The following CUX2 variants were observed in gnomAD, a reference collection of about 807,000 sequenced individuals.
CUX2 encodes the protein homeobox protein cut-like 2.
In CUX2, 40 loss-of-function variants were observed where a neutral mutation model predicts 144.8. The ratio of observed to expected loss-of-function variants is 0.28; its 90% CI spans 0.21 to 0.36. The LOEUF (loss-of-function observed/expected upper bound fraction) is 0.36. Among genes scored for constraint, CUX2 ranks in the 10% least tolerant of loss-of-function variants. CUX2 has a pLI of 1.00. For missense variants in CUX2, 1,615 were observed against 1,994.0 expected (o/e 0.81, Z 3.62); for synonymous variants, 827 against 875.6 (o/e 0.94, Z 0.98).
At chr12:111,211,341 T>C (rs1881215384) in intron 1 of CUX2, among the ~76,000 whole-genome samples, 4 of 152,248 alleles carry the variant, frequency 2.6e-5, no homozygotes, top group Admixed American at 2.6e-4. Context: ...GGCTCTGTTC[T>C]CTCTGCAGTG....
chr12:111,313,301 C>A (rs1158902833), intron 16 of CUX2, among the ~76,000 whole-genome samples: 1 of 150,250 alleles, frequency 6.7e-6, no homozygotes, highest in Non-Finnish European at 1.5e-5. Flanking sequence ...GAACTCCTGA[C>A]CTCGTGATCC....
intron 1 of CUX2, among the ~76,000 whole-genome samples, chr12:111,052,500 T>C (rs1415928784): frequency 1.3e-5 from 2 of 152,232 alleles, no homozygotes; most frequent in Non-Finnish European, 2.9e-5. Flanking sequence ...TGTATTTGTA[T>C]ACTTACGTGT....
chr12:111,243,574 G>T (rs193292047), intron 3 of CUX2, among the ~76,000 whole-genome samples: 1 of 131,062 alleles, frequency 7.6e-6, no homozygotes, highest in Admixed American at 8.9e-5. Context: ...TGCAATCATA[G>T]CTCACTGCAG....
chr12:111,176,654 C>T (rs1878876035), intron 1 of CUX2, among the ~76,000 whole-genome samples: 1 of 152,188 alleles, frequency 6.6e-6, no homozygotes. Context: ...CCACTCCAGG[C>T]TCTATTTTCC....
intron 1 of CUX2, among the ~76,000 whole-genome samples, chr12:111,166,186 CT>C (rs1411834245): frequency 6.6e-6 from 1 of 152,108 alleles, no homozygotes; most frequent in East Asian, 1.9e-4. Context: ...ACCTGACTAA[CT>C]TTTTTCATTT....
chr12:111,257,746 C>T (rs890073000), intron 3 of CUX2, among the ~76,000 whole-genome samples: 3 of 145,272 alleles, frequency 2.1e-5, no homozygotes, highest in Non-Finnish European at 4.6e-5. Flanking sequence ...CCTCTTTCTT[C>T]TCCTCTTCCT....
intron 21 of CUX2, among the ~76,000 whole-genome samples, chr12:111,345,444 CAAA>C (rs34883804): frequency 1.2e-4 from 7 of 60,602 alleles, no homozygotes; most frequent in South Asian, 5.6e-4. Context: ...GACTCCATCT[CAAA>C]AAAAAAAAAA....
rs571542540 is a variant in CUX2, at chr12:111,161,827, C to T, written c.64-52373C>T. On this transcript the variant is annotated intron_variant, in intron 1 of 21. Coordinates refer to ENST00000261726, the MANE Select transcript of CUX2 (RefSeq NM_015267.4). ...ACAGCTCACTGTAGCCTCAACCTTC[C>T]AGGCTCAAGCAGTCCTCCCACTTCA... 9.2e-5 allele frequency among the ~76,000 whole-genome samples: 14 copies of T among 152,352 alleles called. 1 individual carries two copies. In the South Asian group the frequency reaches 1.7e-3, roughly 18 times the overall value.
At chr12:111,175,410 G>T (rs1210048526) in intron 1 of CUX2, among the ~76,000 whole-genome samples, 2 of 148,618 alleles carry the variant, frequency 1.3e-5, no homozygotes, top group East Asian at 4.0e-4. Context: ...TCCTCAAAGT[G>T]GTGAGAAACA....
At chr12:111,093,163 G>T (rs950786125) in intron 1 of CUX2, among the ~76,000 whole-genome samples, 3 of 152,194 alleles carry the variant, frequency 2.0e-5, no homozygotes, top group African/African-American at 4.8e-5. Context: ...CAGTTGGAAC[G>T]TAGTGGAGCT....
At chr12:111,257,292 C>T (rs1451848841) in intron 3 of CUX2, among the ~76,000 whole-genome samples, 4 of 130,434 alleles carry the variant, frequency 3.1e-5, no homozygotes, top group East Asian at 2.6e-4. Flanking sequence ...TCCTCCTCCT[C>T]CCTCTTCCTC....
At chr12:111,249,400 CTTTTTTTTTT>C (rs778334868) in intron 3 of CUX2, among the ~76,000 whole-genome samples, 16 of 80,108 alleles carry the variant, frequency 2.0e-4, no homozygotes, top group Middle Eastern at 0.01. Context: ...GTGCTATTGC[CTTTTTTTTTT>C]TTTTTTTTTT....
chr12:111,107,931 A>AC (rs1873707704), intron 1 of CUX2, among the ~76,000 whole-genome samples: 2 of 152,208 alleles, frequency 1.3e-5, no homozygotes, highest in South Asian at 4.1e-4. Context: ...TGGCTGAAAC[A>AC]CCATTACATA....
chr12:111,342,853 G>C (rs1002204192), intron 21 of CUX2, among the ~76,000 whole-genome samples: 1 of 151,190 alleles, frequency 6.6e-6, no homozygotes, highest in African/African-American at 2.4e-5. Flanking sequence ...CAACTACTTG[G>C]GAGGCTGAGG....
At chr12:111,095,002 A>T (rs1592889205) in intron 1 of CUX2, among the ~76,000 whole-genome samples, 1 of 152,192 alleles carries the variant, frequency 6.6e-6, no homozygotes, top group East Asian at 1.9e-4. Context: ...CTTGGGAGTA[A>T]TGCAGCCTTC....
At chr12:111,249,991 T>TTTGACAAATGCATGATG (rs1883487814) in intron 3 of CUX2, among the ~76,000 whole-genome samples, 1 of 152,186 alleles carries the variant, frequency 6.6e-6, no homozygotes, top group South Asian at 2.1e-4. Context: ...TTCTAGGGGC[T>TTTGACAAATGCATGATG]TTGACAAATG....
In CUX2 at chr12:111,320,142, G is replaced by A. The variant is rs2136397920; in HGVS notation, c.2133G>A (p.Leu711=). The A allele has an allele frequency of 6.4e-7, 1 of 1,551,796 alleles. No homozygotes were observed. The highest frequency in any genetic ancestry group is 1.2e-5 in the South Asian group (1 of 84,836). The change falls in exon 17 of 22, where the codon CTG becomes CTA. Residue 711 remains leucine (L), a synonymous_variant. Transcript: ENST00000261726. The surrounding 1 kb of genome is among the most constrained non-coding windows in gnomAD (Gnocchi z 8.1). ...RREMQAQQQA[L]LEMEVAPRGR... ...AGATGCAGGCGCAACAGCAGGCGCT[G>A]CTGGAGATGGAGGTGGCGCCCAGGG...
chr12:111,084,512 A>C (rs1872086344), intron 1 of CUX2, among the ~76,000 whole-genome samples: 1 of 146,514 alleles, frequency 6.8e-6, no homozygotes, highest in African/African-American at 2.5e-5. Flanking sequence ...TTTTTTCCCT[A>C]GAACAAGCCA....
intron 1 of CUX2, chr12:111,100,161 G>A (rs1049336206): frequency 3.3e-5 from 14 of 429,506 alleles, no homozygotes; most frequent in Non-Finnish European, 6.5e-5. Flanking sequence ...CTTGGGGGAT[G>A]TGAGAGCAGG....
Sources: allele counts gnomAD v4.1 joint callset (sites outside exome capture counted in the v4.1 genomes callset), GRCh38; gene constraint gnomAD v4.1.1; non-coding constraint Gnocchi (gnomAD v3.1); transcripts MANE v1.5; gene names NCBI Gene and HGNC (gene_info 2026-07-23, HGNC 2026-07-21).